Variants in RAB6A observed in about 807,000 individuals in gnomAD.
RAB6A encodes RAB6A, member RAS oncogene family, also known as ras-related protein Rab-6A.
In RAB6A, 8 loss-of-function variants were observed where a neutral mutation model predicts 32.3. That is an observed-to-expected ratio of 0.25 (90% CI 0.15 to 0.45). The LOEUF is 0.45. Ranked by LOEUF, RAB6A falls within the 20% of genes least tolerant of loss-of-function variation. The pLI, the probability that RAB6A is intolerant of heterozygous loss-of-function variation, is 1.00. For synonymous variants in RAB6A, 73 were observed against 82.1 expected, an observed-to-expected ratio of 0.89 and a Z score of 0.60; for missense variants, 104 against 249.4, an observed-to-expected ratio of 0.42 and a Z score of 3.93.
At chr11:73,721,304 A>G (rs1946130012) in intron 2 of RAB6A, among the ~76,000 whole-genome samples, 1 of 152,246 alleles carries the variant, frequency 6.6e-6, no homozygotes, top group Admixed American at 6.5e-5. Context: ...GTTTTATAAA[A>G]TACTGTTGAT....
chr11:73,719,356 T>C (rs536287727), intron 3 of RAB6A, among the ~76,000 whole-genome samples: 2 of 152,366 alleles, frequency 1.3e-5, no homozygotes, highest in East Asian at 1.9e-4. Flanking sequence ...CTCTTTCCTA[T>C]TGGGTCTAGA....
At chr11:73,755,869 G>C (rs1187777818) in intron 1 of RAB6A, among the ~76,000 whole-genome samples, 1 of 149,054 alleles carries the variant, frequency 6.7e-6, no homozygotes, top group Non-Finnish European at 1.5e-5. Flanking sequence ...GGAGGAAGAA[G>C]AACAAGAGGA....
chr11:73,730,555 C>T (rs1429010483), intron 2 of RAB6A: 1 of 487,750 alleles, frequency 2.1e-6, no homozygotes, highest in East Asian at 3.7e-5. Context: ...TATATTTCAA[C>T]AGACTTTGGA....
At chr11:73,682,769 T>A (rs1190393246) in intron 6 of RAB6A, among the ~76,000 whole-genome samples, 3 of 152,112 alleles carry the variant, frequency 2.0e-5, no homozygotes, top group African/African-American at 7.2e-5. Flanking sequence ...GCTGAAGTGA[T>A]CCTCCCACCT....
At chr11:73,743,173 T>G (rs539443339) in intron 1 of RAB6A, among the ~76,000 whole-genome samples, 1 of 151,670 alleles carries the variant, frequency 6.6e-6, no homozygotes, top group African/African-American at 2.4e-5. Flanking sequence ...GATCTTGTGG[T>G]GGGCACCTGT....
At chr11:73,716,392 G>A (rs1029453876) in intron 4 of RAB6A, 30 bp from the exon 5 acceptor site, 4 of 1,555,268 alleles carry the variant, frequency 2.6e-6, no homozygotes, top group Non-Finnish European at 3.5e-6. Flanking sequence ...AGAGAGATTA[G>A]TGTTGCTGAA....
intron 6 of RAB6A, among the ~76,000 whole-genome samples, chr11:73,702,459 G>A (rs1440848952): frequency 2.0e-5 from 3 of 152,116 alleles, no homozygotes; most frequent in African/African-American, 7.2e-5. Context: ...GGCATGAGCC[G>A]CTGTGCCCAG....
At chr11:73,688,803 T>C (rs1318373757) in intron 6 of RAB6A, among the ~76,000 whole-genome samples, 1 of 152,200 alleles carries the variant, frequency 6.6e-6, no homozygotes, top group Non-Finnish European at 1.5e-5. Flanking sequence ...CTGAAGAGAT[T>C]AACTCAGAGT....
chr11:73,677,919 A>G lies in RAB6A; in HGVS notation c.606T>C (p.Ser202=), dbSNP rs3182789. The G allele has an allele frequency of 1.2e-6, 2 of 1,614,240 alleles. No individual in the cohort carries two copies. Among genetic ancestry groups the G allele is most frequent in the Admixed American group, 3.3e-5 (2 of 60,034 alleles). The part of the protein sequence containing the change: ...KLEKPQEQPV[S]EGGCSC The stretch of plus-strand genomic sequence containing the variant: ...GAGATTAGCAGGAACAGCCTCCTTC[A>G]CTGACTGGTTGCTCCTGAGGCTTTT... The change falls in exon 8 of 8, where the codon AGT becomes AGC. Residue 202 remains serine (S), a synonymous_variant. Coordinates refer to ENST00000336083, the MANE Select transcript of RAB6A (RefSeq NM_198896.2).
At position 73,759,416 on chromosome 11, in the gene RAB6A, G is replaced by A. The variant is rs143608010; in HGVS notation, c.70+1150C>T. Reference sequence around the variant, plus strand: ...TATCTAATACAAAAGTACAGTGACAGCAGAACCTGACCAGGTAAATGACAT... The same window carrying A: ...TATCTAATACAAAAGTACAGTGACAACAGAACCTGACCAGGTAAATGACAT... On this transcript the variant is annotated intron_variant, in intron 1 of 7. Transcript: ENST00000336083. Among the ~76,000 whole-genome samples, 202 of 152,216 alleles carry A rather than the reference G, an allele frequency of 1.3e-3. 2 individuals carry two copies. The highest frequency in any genetic ancestry group is 3.4e-3 in the Middle Eastern group (1 of 294).
At chr11:73,740,711 A>T (rs1946480537) in intron 1 of RAB6A, among the ~76,000 whole-genome samples, 1 of 152,156 alleles carries the variant, frequency 6.6e-6, no homozygotes, top group Non-Finnish European at 1.5e-5. Flanking sequence ...CAACATGGTG[A>T]AACCCCGTCT....
intron 1 of RAB6A, among the ~76,000 whole-genome samples, chr11:73,755,137 G>A (rs1039496042): frequency 7.2e-5 from 11 of 151,802 alleles, no homozygotes; most frequent in South Asian, 6.3e-4. Context: ...CACCATATTG[G>A]CCAGGTTGGT....
At chr11:73,687,485 A>G (rs1343608342) in intron 6 of RAB6A, among the ~76,000 whole-genome samples, 1 of 152,166 alleles carries the variant, frequency 6.6e-6, no homozygotes, top group African/African-American at 2.4e-5. Context: ...TGCCCAGCTC[A>G]AGAGAGGCAC....
intron 2 of RAB6A, among the ~76,000 whole-genome samples, chr11:73,724,489 T>C (rs1022875587): frequency 1.3e-5 from 2 of 149,322 alleles, no homozygotes; most frequent in African/African-American, 4.9e-5. Context: ...ATTTCGTTTT[T>C]TTTTTTTTTT....
chr11:73,743,535 G>A lies in RAB6A; in HGVS notation c.71-12712C>T, dbSNP rs566154387. ...CCAACTACTCAAGAGTATCAGGTGG[G>A]AGGATCACTTGAGCCCAGGAGACTG... On this transcript the variant is annotated intron_variant, in intron 1 of 7. Coordinates refer to ENST00000336083, the MANE Select transcript of RAB6A (RefSeq NM_198896.2). 2.6e-5 allele frequency among the ~76,000 whole-genome samples: 4 copies of A among 152,114 alleles called. No individual in the cohort carries two copies. In the South Asian group the frequency reaches 8.3e-4, roughly 31 times the overall value.
chr11:73,732,763 GCAAA>G (rs984525415), intron 1 of RAB6A, among the ~76,000 whole-genome samples: 5 of 152,000 alleles, frequency 3.3e-5, no homozygotes, highest in African/African-American at 9.7e-5. Context: ...CTGTCTCAAA[GCAAA>G]CAAACAAACA....
intron 2 of RAB6A, among the ~76,000 whole-genome samples, chr11:73,729,094 C>G (rs1034176724): frequency 1.3e-5 from 2 of 151,772 alleles, no homozygotes; most frequent in African/African-American, 2.4e-5. Flanking sequence ...CCATTATAAC[C>G]CTTTTGATTT....
At position 73,760,525 on chromosome 11, in the gene RAB6A, G is replaced by C. The variant is rs748111798; in HGVS notation, c.70+41C>G. ...GCCGCACCGGGGGCGGTGCGGGGAC[G>C]CTGCGGCCAGCTGCCAGGAGTAGGG... On this transcript the variant is annotated intron_variant, in intron 1 of 7. Coordinates refer to ENST00000336083, the MANE Select transcript of RAB6A (RefSeq NM_198896.2). The C allele has an allele frequency of 5.8e-6, 9 of 1,564,822 alleles. No homozygotes were observed. In the South Asian group the frequency reaches 1.0e-4, roughly 18 times the overall value.
rs1431384246 is a variant in RAB6A, at chr11:73,677,760, G to A, written c.*138C>T. 3 of 1,523,274 alleles carry A rather than the reference G, an allele frequency of 2.0e-6. No homozygotes were observed. The highest frequency in any genetic ancestry group is 4.6e-5 in the East Asian group (2 of 43,822). 94.4% of individuals were successfully genotyped at this position (1,523,274 alleles called of 1,614,324 possible). Reference sequence around the variant, plus strand: ...TGAAGCTAATAGATCATCTCCACGAGACAGGCAGCAATGATGAATTGCAAT... The same window carrying A: ...TGAAGCTAATAGATCATCTCCACGAAACAGGCAGCAATGATGAATTGCAAT... On this transcript the variant is annotated 3_prime_UTR_variant, in exon 8 of 8. Transcript: ENST00000336083.
Sources: allele counts gnomAD v4.1 joint callset (sites outside exome capture counted in the v4.1 genomes callset), GRCh38; gene constraint gnomAD v4.1.1; transcripts MANE v1.5; gene names NCBI Gene and HGNC (gene_info 2026-07-23, HGNC 2026-07-21).